Variants in FGGY observed in about 807,000 individuals in gnomAD.
The protein encoded by FGGY is FGGY carbohydrate kinase domain containing.
FGGY carries 72 observed loss-of-function variants against 71.3 expected under a neutral mutation model. That is an observed-to-expected ratio of 1.01 (90% CI 0.84 to 1.23). The LOEUF is 1.23. Among genes scored for constraint, FGGY ranks in the 50% most tolerant of loss-of-function variants. The pLI is 0.00. For missense variants in FGGY, 668 were observed against 682.3 expected, an observed-to-expected ratio of 0.98 and a Z score of 0.23; for synonymous variants, 251 against 250.3, an observed-to-expected ratio of 1.00 and a Z score of -0.02.
intron 6 of FGGY, among the ~76,000 whole-genome samples, chr1:59,503,432 C>A (rs2094287946): frequency 6.6e-6 from 1 of 151,634 alleles, no homozygotes; most frequent in African/African-American, 2.4e-5. Context: ...CTTCTTGAAC[C>A]AGACTTGACC....
At chr1:59,624,062 A>T (rs1014049251) in intron 9 of FGGY, among the ~76,000 whole-genome samples, 1 of 152,116 alleles carries the variant, frequency 6.6e-6, no homozygotes, top group Non-Finnish European at 1.5e-5. Flanking sequence ...TGTGATGAGG[A>T]TATGCTTCAT....
intron 7 of FGGY, among the ~76,000 whole-genome samples, chr1:59,536,314 C>A (rs1026005070): frequency 1.6e-4 from 25 of 152,076 alleles, no homozygotes; most frequent in South Asian, 4.2e-4. Context: ...CAATAACAGG[C>A]TCTGAAATTG....
chr1:59,646,584 G>A (rs1192263370), intron 11 of FGGY, among the ~76,000 whole-genome samples: 1 of 150,820 alleles, frequency 6.6e-6, no homozygotes, highest in Admixed American at 6.6e-5. Flanking sequence ...ATATTTTACT[G>A]AAGTGACTAA....
chr1:59,452,794 C>G (rs1372017556), intron 5 of FGGY, among the ~76,000 whole-genome samples: 1 of 152,210 alleles, frequency 6.6e-6, no homozygotes, highest in East Asian at 1.9e-4. Flanking sequence ...AGCAGCACTC[C>G]TCTCTAGCTG....
intron 5 of FGGY, among the ~76,000 whole-genome samples, chr1:59,399,300 C>T (rs1186851958): frequency 6.6e-6 from 1 of 152,166 alleles, no homozygotes; most frequent in East Asian, 1.9e-4. Flanking sequence ...ATAACAGTAA[C>T]AGTCAACACA....
chr1:59,391,174 A>G (rs2060646250), intron 5 of FGGY, among the ~76,000 whole-genome samples: 1 of 152,024 alleles, frequency 6.6e-6, no homozygotes. Flanking sequence ...TTGGGATTTG[A>G]TTTTGGCTAC....
intron 8 of FGGY, among the ~76,000 whole-genome samples, chr1:59,587,286 G>A (rs1424852476): frequency 1.2e-4 from 19 of 152,198 alleles, no homozygotes; most frequent in Non-Finnish European, 2.9e-5. Context: ...AAGCAAAGCA[G>A]CCTGGAAGCT....
chr1:59,533,479 C>G (rs1298030130), intron 7 of FGGY, among the ~76,000 whole-genome samples: 1 of 152,206 alleles, frequency 6.6e-6, no homozygotes, highest in Non-Finnish European at 1.5e-5. Flanking sequence ...CCGGGAAGCT[C>G]GAACTGGGTG....
At chr1:59,473,329 C>A (rs1015125981) in intron 6 of FGGY, among the ~76,000 whole-genome samples, 2 of 152,002 alleles carry the variant, frequency 1.3e-5, no homozygotes, top group Non-Finnish European at 2.9e-5. Flanking sequence ...CCTGAGCCAG[C>A]GAGACCACGA....
chr1:59,548,527 G>A (rs2095560338), intron 7 of FGGY, among the ~76,000 whole-genome samples: 1 of 152,104 alleles, frequency 6.6e-6, no homozygotes, highest in Non-Finnish European at 1.5e-5. Context: ...ATGAAAGAGG[G>A]ATTCAAGTCT....
chr1:59,325,244 C>A (rs369706436), intron 2 of FGGY, among the ~76,000 whole-genome samples: 227 of 152,172 alleles, frequency 1.5e-3, no homozygotes, highest in African/African-American at 4.1e-3. Flanking sequence ...GTAGTCCCAG[C>A]TACTTGGGAG....
intron 8 of FGGY, among the ~76,000 whole-genome samples, chr1:59,565,026 G>A (rs1372817151): frequency 6.6e-6 from 1 of 152,092 alleles, no homozygotes; most frequent in Admixed American, 6.5e-5. Context: ...GGCAGCATGG[G>A]TTCTTCTCCC....
chr1:59,674,845 A>G (rs946109522), intron 14 of FGGY, among the ~76,000 whole-genome samples: 10 of 152,202 alleles, frequency 6.6e-5, no homozygotes, highest in African/African-American at 1.7e-4. Flanking sequence ...AAGGTAAACA[A>G]TGAATGTGGT....
At chr1:59,445,992 A>G (rs1255112173) in intron 5 of FGGY, among the ~76,000 whole-genome samples, 1 of 152,228 alleles carries the variant, frequency 6.6e-6, no homozygotes, top group Non-Finnish European at 1.5e-5. Flanking sequence ...CTTCTGTGAA[A>G]TGGAAATACT....
At chr1:59,480,214 T>G (rs2093420141) in intron 6 of FGGY, among the ~76,000 whole-genome samples, 1 of 152,184 alleles carries the variant, frequency 6.6e-6, no homozygotes, top group Non-Finnish European at 1.5e-5. Context: ...TTCTCAAGTC[T>G]TCCCAATGCT....
chr1:59,641,479 A>C (rs1572500309), intron 11 of FGGY: 1 of 700,264 alleles, frequency 1.4e-6, no homozygotes, highest in East Asian at 2.7e-5. Flanking sequence ...TCCTAAGTTC[A>C]CATAAAAGTA....
chr1:59,645,039 A>AT (rs565044670), intron 11 of FGGY, among the ~76,000 whole-genome samples: 5 of 151,812 alleles, frequency 3.3e-5, no homozygotes, highest in Admixed American at 1.3e-4. Context: ...TGTTTTAGGG[A>AT]TTTTTTTGGT....
At position 59,698,533 on chromosome 1, in the gene FGGY, C is replaced by T. The variant is rs538429829; in HGVS notation, c.1512+24400C>T. On this transcript the variant is annotated intron_variant, in intron 14 of 15. Transcript: ENST00000303721. Reference sequence around the variant, plus strand: ...TGGCCTCATGGTTAAACATACCATTCATTCGACCTCTCAACTGTGACAAAG... The same window carrying T: ...TGGCCTCATGGTTAAACATACCATTTATTCGACCTCTCAACTGTGACAAAG... Among the ~76,000 whole-genome samples the T allele has an allele frequency of 5.3e-5, 8 of 152,258 alleles. No individual in the cohort carries two copies. The East Asian group carries it at 1.5e-3, about 29-fold the overall frequency.
intron 7 of FGGY, among the ~76,000 whole-genome samples, chr1:59,528,472 G>A (rs2095052669): frequency 6.6e-6 from 1 of 152,194 alleles, no homozygotes; most frequent in African/African-American, 2.4e-5. Flanking sequence ...CTTCACCCAA[G>A]CCAGCGTTAA....
Sources: gnomAD v4.1 joint callset for allele counts (sites outside exome capture counted in the v4.1 genomes callset) on GRCh38, gnomAD v4.1.1 for gene constraint, MANE v1.5 for transcripts, NCBI Gene and HGNC (gene_info 2026-07-23, HGNC 2026-07-21) for gene names.